ZCCHC4: variants seen among roughly 807,000 people sequenced by gnomAD.
ZCCHC4 encodes zinc finger CCHC-type containing 4.
In ZCCHC4, 54 loss-of-function variants were observed where a neutral mutation model predicts 67.7. That is an observed-to-expected ratio of 0.80 (90% CI 0.64 to 1.00). ZCCHC4 has a LOEUF of 1.00. Among genes scored for constraint, ZCCHC4 ranks in the 50% least tolerant of loss-of-function variants. ZCCHC4 has a pLI of 0.00. For synonymous variants in ZCCHC4, 198 were observed against 213.5 expected, an observed-to-expected ratio of 0.93 and a Z score of 0.63; for missense variants, 609 against 617.0, an observed-to-expected ratio of 0.99 and a Z score of 0.14.
chr4:25,335,470 G>C (rs1462381269), intron 5 of ZCCHC4, among the ~76,000 whole-genome samples: 1 of 151,978 alleles, frequency 6.6e-6, no homozygotes, highest in East Asian at 1.9e-4. Flanking sequence ...AATCATAAAA[G>C]TGTAGCCTGG....
intron 3 of ZCCHC4, among the ~76,000 whole-genome samples, chr4:25,322,554 A>T (rs28374996): frequency 6.2e-4 from 94 of 152,088 alleles, no homozygotes; most frequent in African/African-American, 2.0e-3. Flanking sequence ...CCACTGTGTC[A>T]CCCAGGGTGG....
At position 25,340,025 on chromosome 4, in the gene ZCCHC4, C is replaced by T. The variant is rs776170757; in HGVS notation, c.687-5523C>T. Among the ~76,000 whole-genome samples the T allele has an allele frequency of 4.0e-4, 61 of 152,164 alleles. 1 individual carries two copies. The highest frequency in any genetic ancestry group is 6.9e-4 in the Non-Finnish European group (47 of 68,012). ...CTGGAACTACAGGCGCCTGCCACCA[C>T]GCCTGGCTAATTTTTTATATTTTTA... On this transcript the variant is annotated intron_variant, in intron 5 of 12. Coordinates refer to ENST00000302874, the MANE Select transcript of ZCCHC4 (RefSeq NM_024936.3).
chr4:25,363,643 C>G (rs1377163380), intron 10 of ZCCHC4, among the ~76,000 whole-genome samples: 4 of 152,176 alleles, frequency 2.6e-5, no homozygotes, highest in African/African-American at 9.7e-5. Flanking sequence ...ACTGGTTATA[C>G]TTGTTTTTAA....
intron 3 of ZCCHC4, among the ~76,000 whole-genome samples, chr4:25,319,950 A>G (rs1412962321): frequency 1.3e-5 from 2 of 152,182 alleles, no homozygotes; most frequent in Admixed American, 1.3e-4. Context: ...TGCAGTTACA[A>G]TAGCTTTTCA....
chr4:25,356,769 G>A (rs530690780), intron 8 of ZCCHC4, among the ~76,000 whole-genome samples: 2 of 152,152 alleles, frequency 1.3e-5, no homozygotes, highest in South Asian at 2.1e-4. Context: ...ACAGAGGAGT[G>A]CATTAGGGGA....
intron 3 of ZCCHC4, among the ~76,000 whole-genome samples, chr4:25,331,936 A>G (rs1247084088): frequency 6.6e-6 from 1 of 152,200 alleles, no homozygotes; most frequent in Non-Finnish European, 1.5e-5. Flanking sequence ...CTTAGATATA[A>G]AAAGTTTAAA....
chr4:25,352,029 C>T (rs941918323), intron 8 of ZCCHC4: 4 of 1,009,490 alleles, frequency 4.0e-6, no homozygotes, highest in Non-Finnish European at 3.5e-6. Flanking sequence ...TTGCAGCCCC[C>T]CCACCCCTGG....
chr4:25,344,522 T>G, intron 5 of ZCCHC4, among the ~76,000 whole-genome samples: 1 of 149,106 alleles, frequency 6.7e-6, no homozygotes, highest in Non-Finnish European at 1.5e-5. Context: ...AAATGATGAG[T>G]TAATGGGTAC....
intron 3 of ZCCHC4, among the ~76,000 whole-genome samples, chr4:25,318,225 T>A (rs1046284101): frequency 2.0e-5 from 3 of 152,168 alleles, no homozygotes; most frequent in Non-Finnish European, 4.4e-5. Flanking sequence ...AGCATGTTTC[T>A]GTTAGAAGGA....
chr4:25,365,658 C>T (rs1274923043), intron 12 of ZCCHC4: 24 of 984,480 alleles, frequency 2.4e-5, no homozygotes, highest in Non-Finnish European at 2.7e-5. Flanking sequence ...ATGCTTAATG[C>T]TTAAATATTT....
chr4:25,314,529 C>T (rs1004617071), intron 2 of ZCCHC4, among the ~76,000 whole-genome samples: 12 of 152,312 alleles, frequency 7.9e-5, no homozygotes, highest in Admixed American at 7.8e-4. Flanking sequence ...GATCAAGATG[C>T]TGGCAGATCT....
chr4:25,317,229 A>T (rs1329060279), intron 3 of ZCCHC4, among the ~76,000 whole-genome samples: 1 of 152,146 alleles, frequency 6.6e-6, no homozygotes, highest in Admixed American at 6.6e-5. Flanking sequence ...CTAAGCACAG[A>T]GGAGTACTGG....
chr4:25,340,033 T>C (rs1036853048), intron 5 of ZCCHC4, among the ~76,000 whole-genome samples: 6 of 152,118 alleles, frequency 3.9e-5, no homozygotes, highest in Non-Finnish European at 5.9e-5. Context: ...CACGCCTGGC[T>C]AATTTTTTAT....
rs193165375 is a variant in ZCCHC4, at chr4:25,362,882, C to G, written c.1209+581C>G. On this transcript the variant is annotated intron_variant, in intron 10 of 12. Coordinates refer to ENST00000302874, the MANE Select transcript of ZCCHC4 (RefSeq NM_024936.3). Reference sequence around the variant, plus strand: ...GTTCTTTAAAGCAGTTTTAGGTTCACAGCAAAATTGAGCAGAAGGTACAGA... The same window carrying G: ...GTTCTTTAAAGCAGTTTTAGGTTCAGAGCAAAATTGAGCAGAAGGTACAGA... Among the ~76,000 whole-genome samples the G allele has an allele frequency of 2.2e-3, 334 of 152,186 alleles. 2 individuals are homozygous for G. The highest frequency in any genetic ancestry group is 7.7e-3 in the African/African-American group (320 of 41,514).
chr4:25,334,662 T>C (rs1719362648), intron 5 of ZCCHC4, among the ~76,000 whole-genome samples: 1 of 152,238 alleles, frequency 6.6e-6, no homozygotes. Context: ...TGTCTATAAT[T>C]CTGTACATTT....
chr4:25,358,157 A>G (rs1316744448), intron 8 of ZCCHC4, among the ~76,000 whole-genome samples: 2 of 152,240 alleles, frequency 1.3e-5, no homozygotes, highest in Non-Finnish European at 2.9e-5. Context: ...CTAAAAGTTG[A>G]GTTAAGGACC....
chr4:25,330,119 T>C (rs1719103920), intron 3 of ZCCHC4, among the ~76,000 whole-genome samples: 1 of 152,092 alleles, frequency 6.6e-6, no homozygotes, highest in Non-Finnish European at 1.5e-5. Context: ...GCCTCCCAAG[T>C]AGCTGGAATT....
rs1350115181 is a variant in ZCCHC4, at chr4:25,315,356, C to T, written c.285C>T (p.Asn95=). Residue 95 remains asparagine (N), a synonymous_variant, in exon 3 of 13, where the codon AAC becomes AAT. Transcript: ENST00000302874. The stretch of plus-strand genomic sequence containing the variant: ...GACTTGCTGCCCGAGAAGCTCATAA[C>T]CGAAGATGTCAGCCTCCCCTGTCCC... ...GARLAAREAH[N]RRCQPPLSRT... 6.2e-7 allele frequency: 1 copy of T among 1,613,106 alleles called. No homozygotes were observed. Among genetic ancestry groups the T allele is most frequent in the South Asian group, 1.1e-5 (1 of 90,944 alleles).
At chr4:25,368,982 A>G (rs1183707575) in intron 12 of ZCCHC4, 47 bp from the exon 13 acceptor site, 2 of 1,572,122 alleles carry the variant, frequency 1.3e-6, no homozygotes, top group East Asian at 4.5e-5. Context: ...TAATTACATA[A>G]TTCACTGTGC....
Sources: allele counts gnomAD v4.1 joint callset (sites outside exome capture counted in the v4.1 genomes callset), GRCh38; gene constraint gnomAD v4.1.1; transcripts MANE v1.5; gene names NCBI Gene and HGNC (gene_info 2026-07-23, HGNC 2026-07-21).